Variants in KLF8 observed in about 807,000 individuals in gnomAD.
KLF8 encodes the protein Krueppel-like factor 8.
In KLF8, 10 loss-of-function variants were observed where a neutral mutation model predicts 18.2. The observed-to-expected ratio is 0.55, with a 90% CI of 0.34 to 0.93. The LOEUF (loss-of-function observed/expected upper bound fraction) is 0.93. Among genes scored for constraint, KLF8 ranks in the 40% least tolerant of loss-of-function variants. The pLI, the probability that KLF8 is intolerant of heterozygous loss-of-function variation, is 0.02. For missense variants in KLF8, 264 were observed against 277.9 expected, an observed-to-expected ratio of 0.95 and a Z score of 0.36; for synonymous variants, 109 against 97.3, an observed-to-expected ratio of 1.12 and a Z score of -0.71.
rs763950114 is a variant in KLF8, at chrX:56,273,154, C to T, written c.898+2833C>T. 1.3e-4 allele frequency among the ~76,000 whole-genome samples: 15 copies of T among 111,224 alleles called. 1 individual carries two copies. The highest frequency in any genetic ancestry group is 1.1e-3 in the South Asian group (3 of 2,649). On this transcript the variant is annotated intron_variant, in intron 5 of 5. Coordinates refer to ENST00000468660, the MANE Select transcript of KLF8 (RefSeq NM_007250.5). ...CTATCACTTTACAACCTAATCAGTA[C>T]GAACAATTATTTTTATTTTATTCTC...
chrX:55,961,417 G>A, the KLF8 span: 1 of 523,929 alleles, frequency 1.9e-6, no homozygotes, highest in African/African-American at 2.3e-5. Context: ...GGATGATAAT[G>A]GAAAGCCTTA....
the KLF8 span, among the ~76,000 whole-genome samples, chrX:56,188,551 C>A: frequency 1.8e-5 from 2 of 111,671 alleles, no homozygotes; most frequent in Non-Finnish European, 3.8e-5. Context: ...AAAAAAGAGA[C>A]GCATCACCAA....
At chrX:56,085,513 C>T in the KLF8 span, among the ~76,000 whole-genome samples, 1 of 98,091 alleles carries the variant, frequency 1.0e-5, no homozygotes, top group Non-Finnish European at 1.9e-5. Context: ...TATTCAGGCT[C>T]TCTATGTATT....
At chrX:56,205,146 C>T in the KLF8 span, among the ~76,000 whole-genome samples, 1 of 110,768 alleles carries the variant, frequency 9.0e-6, no homozygotes, top group African/African-American at 3.3e-5. Context: ...TGGAACAATT[C>T]TCCTGTCAAA....
chrX:56,093,746 C>T, the KLF8 span, among the ~76,000 whole-genome samples: 2 of 110,632 alleles, frequency 1.8e-5, no homozygotes, highest in East Asian at 2.8e-4. Context: ...AATAATTACA[C>T]ATTTTGCATA....
At chrX:56,244,928 G>GT (rs35623526) in intron 1 of KLF8, among the ~76,000 whole-genome samples, 60,574 of 110,786 alleles carry the variant, frequency 0.55, 13,996 homozygotes, top group Non-Finnish European at 0.73. Flanking sequence ...TTAGCAGACA[G>GT]TTTTTCAGAA....
chrX:56,152,009 G>T, the KLF8 span, among the ~76,000 whole-genome samples: 1 of 111,229 alleles, frequency 9.0e-6, no homozygotes, highest in Non-Finnish European at 1.9e-5. Context: ...TTTTAATTTG[G>T]AGTTTTATTA....
the KLF8 span, among the ~76,000 whole-genome samples, chrX:56,132,382 A>T: frequency 9.0e-6 from 1 of 111,417 alleles, no homozygotes; most frequent in African/African-American, 3.3e-5. Flanking sequence ...TGCTCCTGAA[A>T]GATCATTGGA....
At chrX:55,915,957 G>A in the KLF8 span, among the ~76,000 whole-genome samples, 1 of 111,442 alleles carries the variant, frequency 9.0e-6, no homozygotes, top group Non-Finnish European at 1.9e-5. Context: ...TTCTCTCTTA[G>A]CAAATTATAT....
At chrX:56,153,128 T>A in the KLF8 span, among the ~76,000 whole-genome samples, 1 of 111,729 alleles carries the variant, frequency 9.0e-6, no homozygotes, top group Non-Finnish European at 1.9e-5. Flanking sequence ...ATGATATAAG[T>A]AAGCCAATAA....
chrX:56,237,630 C>A (rs1368828662), intron 1 of KLF8, among the ~76,000 whole-genome samples: 2 of 111,963 alleles, frequency 1.8e-5, no homozygotes, highest in Admixed American at 1.9e-4. Flanking sequence ...AAACAGTTTT[C>A]TGTTGATTGA....
At chrX:56,149,643 G>A in the KLF8 span, among the ~76,000 whole-genome samples, 1 of 111,709 alleles carries the variant, frequency 9.0e-6, no homozygotes, top group Non-Finnish European at 1.9e-5. Context: ...AAAAAGAAGA[G>A]TGTTGAAACG....
the KLF8 span, among the ~76,000 whole-genome samples, chrX:55,988,212 C>T: frequency 9.0e-6 from 1 of 111,104 alleles, no homozygotes; most frequent in African/African-American, 3.3e-5. Context: ...TTAATTAGAT[C>T]CCATTTGTCA....
chrX:55,965,693 G>C, the KLF8 span, among the ~76,000 whole-genome samples: 2 of 111,905 alleles, frequency 1.8e-5, no homozygotes, highest in Non-Finnish European at 3.8e-5. Flanking sequence ...AATGTTTCAG[G>C]ATACAAAATC....
At chrX:55,997,075 C>T in the KLF8 span, among the ~76,000 whole-genome samples, 1 of 111,676 alleles carries the variant, frequency 9.0e-6, no homozygotes, top group African/African-American at 3.3e-5. Flanking sequence ...GATGGTTAGG[C>T]AGAGTCTGCT....
At chrX:56,055,496 T>G in the KLF8 span, among the ~76,000 whole-genome samples, 1 of 111,729 alleles carries the variant, frequency 9.0e-6, no homozygotes, top group Middle Eastern at 4.2e-3. Context: ...GCCTTTAACA[T>G]TTTTACTTTT....
intron 1 of KLF8, among the ~76,000 whole-genome samples, chrX:56,235,696 A>G (rs960525293): frequency 7.2e-5 from 8 of 111,240 alleles, no homozygotes; most frequent in Admixed American, 5.7e-4. Context: ...GATTACAGGC[A>G]TGAGCCACGT....
the KLF8 span, among the ~76,000 whole-genome samples, chrX:56,083,488 A>T: frequency 8.9e-6 from 1 of 112,266 alleles, no homozygotes; most frequent in East Asian, 2.8e-4. Flanking sequence ...TTGAAAATAA[A>T]GCTTTTTTTG....
the KLF8 span, among the ~76,000 whole-genome samples, chrX:56,000,478 G>T: frequency 0.11 from 7,737 of 70,314 alleles, 997 homozygotes; most frequent in African/African-American, 0.51. Flanking sequence ...TTTTTCTTGG[G>T]GGGGGGGGGA....
Sources: gnomAD v4.1 joint callset for allele counts (sites outside exome capture counted in the v4.1 genomes callset) on GRCh38, gnomAD v4.1.1 for gene constraint, MANE v1.5 for transcripts, NCBI Gene and HGNC (gene_info 2026-07-23, HGNC 2026-07-21) for gene names.